ESRP1: variants seen among roughly 807,000 people sequenced by gnomAD.
The protein encoded by ESRP1 is epithelial splicing regulatory protein 1.
Under a neutral mutation model 81.7 loss-of-function variants are expected in ESRP1, and 33 were observed. The observed-to-expected ratio is 0.40, with a 90% CI of 0.31 to 0.54. ESRP1 has a LOEUF of 0.54. Among genes scored for constraint, ESRP1 ranks in the 20% least tolerant of loss-of-function variants. The pLI is 0.41. For missense variants in ESRP1, 672 were observed against 833.1 expected, an observed-to-expected ratio of 0.81 and a Z score of 2.38; for synonymous variants, 320 against 303.3, an observed-to-expected ratio of 1.06 and a Z score of -0.57.
chr8:94,695,450 G>A (rs992602253), intron 14 of ESRP1, among the ~76,000 whole-genome samples: 5 of 137,286 alleles, frequency 3.6e-5, no homozygotes, highest in Admixed American at 1.6e-4. Flanking sequence ...CACCTCCTGG[G>A]TTCAAGCAAT....
At chr8:94,662,468 C>T (rs956267907) in intron 5 of ESRP1, 33 bp from the exon 6 acceptor site, 12 of 1,582,012 alleles carry the variant, frequency 7.6e-6, no homozygotes, top group Non-Finnish European at 1.0e-5. Flanking sequence ...TCCCTAATCA[C>T]TAAAATGATG....
At chr8:94,692,597 C>T (rs1586253399) in intron 13 of ESRP1, 80 bp from the exon 14 acceptor site, 1 of 1,465,634 alleles carries the variant, frequency 6.8e-7, no homozygotes, top group African/African-American at 1.4e-5. Flanking sequence ...AATTCTGTTT[C>T]CTTAAGTAAC....
rs1402806690 is a variant in ESRP1 at position 94,705,997 on chromosome 8, G to A, written c.*108G>A. ...CTTCTAGCAAATTCAGGGGAAGTTT[G>A]TCTACACTCAGGCTGCAGTATTTTC... On this transcript the variant is annotated 3_prime_UTR_variant, in exon 16 of 16. Transcript: ENST00000433389. 1.0e-5 allele frequency: 15 copies of A among 1,480,924 alleles called. No individual in the cohort carries two copies. The highest frequency in any genetic ancestry group is 1.3e-5 in the South Asian group (1 of 77,618). The allele number at this position is 1,480,924 out of a possible 1,614,324, so 91.7% of individuals were successfully genotyped here. A position where few individuals can be genotyped will look rare whatever the true frequency, so the allele number is the denominator to read the frequency against.
intron 4 of ESRP1, 198 bp downstream of exon 4, chr8:94,646,480 C>T (rs1035745): frequency 0.96 from 428,674 of 447,874 alleles, 207,808 homozygotes; most frequent in East Asian, 1. Flanking sequence ...GATGGTTGGA[C>T]GGATTTGGAG....
chr8:94,690,292 TTTTTTTTTTTTTG>T (rs1259375761), intron 13 of ESRP1, among the ~76,000 whole-genome samples: 3 of 103,854 alleles, frequency 2.9e-5, no homozygotes, highest in Non-Finnish European at 6.3e-5. Flanking sequence ...TTTTTTTTTT[TTTTTTTTTTTTTG>T]GATTTTTAGT....
In ESRP1 at chr8:94,705,949, T is replaced by C; in HGVS notation, c.*60T>C. 6.6e-7 allele frequency: 1 copy of C among 1,525,304 alleles called. No individual in the cohort carries two copies. The highest frequency in any genetic ancestry group is 8.8e-7 in the Non-Finnish European group (1 of 1,138,554). 94.5% of individuals were successfully genotyped at this position (1,525,304 alleles called of 1,614,324 possible). The stretch of plus-strand genomic sequence containing the variant: ...GTGTTTGAAAGATGTATGGTGATCT[T>C]GAAACCTCCAGACACAAGAAAACTT... On this transcript the variant is annotated 3_prime_UTR_variant, in exon 16 of 16. Transcript: ENST00000433389.
chr8:94,655,582 A>G (rs1431652653), intron 4 of ESRP1, among the ~76,000 whole-genome samples: 12 of 151,974 alleles, frequency 7.9e-5, no homozygotes, highest in Non-Finnish European at 1.8e-4. Flanking sequence ...GGTTATATGT[A>G]GAACTTACAT....
rs749635201 is a variant in ESRP1 at position 94,671,440 on chromosome 8, G to C, written c.1234-13G>C. The C allele has an allele frequency of 6.2e-7, 1 of 1,605,926 alleles. No homozygotes were observed. The highest frequency in any genetic ancestry group is 8.5e-7 in the Non-Finnish European group (1 of 1,175,224). On this transcript the variant is annotated splice_polypyrimidine_tract_variant and intron_variant, in intron 10 of 15. Transcript: ENST00000433389. Reference sequence around the variant, plus strand: ...CACAGCTCTAAATTACTTCTGTTTTGCTTTGAGTACAGGTGCTGAATCGAT... The same window carrying C: ...CACAGCTCTAAATTACTTCTGTTTTCCTTTGAGTACAGGTGCTGAATCGAT...
At chr8:94,643,072 G>A (rs1234974754) in intron 2 of ESRP1, among the ~76,000 whole-genome samples, 1 of 152,238 alleles carries the variant, frequency 6.6e-6, no homozygotes, top group Non-Finnish European at 1.5e-5. Flanking sequence ...AAGGGAGAAT[G>A]CATTGACAAG....
chr8:94,678,155 G>T (rs745647664), intron 12 of ESRP1, 48 bp from the exon 13 acceptor site: 1 of 1,592,336 alleles, frequency 6.3e-7, no homozygotes, highest in Non-Finnish European at 8.6e-7. Flanking sequence ...GCACGTGCAT[G>T]TCAGCTGTTA....
chr8:94,687,475 G>A (rs1035177545), intron 13 of ESRP1, among the ~76,000 whole-genome samples: 6 of 152,224 alleles, frequency 3.9e-5, no homozygotes, highest in African/African-American at 1.4e-4. Flanking sequence ...GGATAATACA[G>A]TAACTATTTA....
chr8:94,672,787 C>T (rs1819393170), intron 11 of ESRP1, among the ~76,000 whole-genome samples: 1 of 152,244 alleles, frequency 6.6e-6, no homozygotes, highest in African/African-American at 2.4e-5. Flanking sequence ...CCCGCCTTGG[C>T]CTCCCAAAGT....
chr8:94,655,388 CTT>C (rs35393650), intron 4 of ESRP1, among the ~76,000 whole-genome samples: 2 of 139,310 alleles, frequency 1.4e-5, no homozygotes. Flanking sequence ...CACTTGGCAT[CTT>C]TTTTTTTTTT....
At chr8:94,704,093 T>C (rs1211595277) in intron 15 of ESRP1, among the ~76,000 whole-genome samples, 2 of 152,104 alleles carry the variant, frequency 1.3e-5, no homozygotes, top group Non-Finnish European at 2.9e-5. Context: ...ATACCTGATA[T>C]TAGATTTGTA....
At chr8:94,690,597 T>C (rs937548713) in intron 13 of ESRP1, among the ~76,000 whole-genome samples, 1 of 152,170 alleles carries the variant, frequency 6.6e-6, no homozygotes, top group African/African-American at 2.4e-5. Context: ...TCAGAATAGA[T>C]GGTACCTTAG....
intron 3 of ESRP1, among the ~76,000 whole-genome samples, chr8:94,644,031 G>C (rs1817733592): frequency 6.6e-6 from 1 of 152,122 alleles, no homozygotes; most frequent in South Asian, 2.1e-4. Context: ...AAACATTCTT[G>C]CATCAAAACA....
In ESRP1 at chr8:94,667,975, C is replaced by A; in HGVS notation, c.958C>A (p.Leu320Ile). The A allele has an allele frequency of 6.2e-7, 1 of 1,604,608 alleles. No homozygotes were observed. Among genetic ancestry groups the A allele is most frequent in the Non-Finnish European group, 8.5e-7 (1 of 1,174,550 alleles). Reference protein sequence around the residue: ...GGTSNEVAQFLSKENQVIVRM... With the variant: ...GGTSNEVAQFISKENQVIVRM... ...TACTTCCAATGAGGTAGCCCAGTTTCTCTCCAAGGAAAATCAAGTCATTGT... is the reference window on the plus strand; with the variant it reads ...TACTTCCAATGAGGTAGCCCAGTTTATCTCCAAGGAAAATCAAGTCATTGT... Residue 320 changes from leucine (L) to isoleucine (I), a missense_variant, in exon 10 of 16, where the codon CTC (leucine) becomes ATC (isoleucine). Coordinates refer to ENST00000433389, the MANE Select transcript of ESRP1 (RefSeq NM_017697.4).
intron 14 of ESRP1, among the ~76,000 whole-genome samples, chr8:94,693,686 A>G (rs1430748495): frequency 1.3e-5 from 2 of 152,198 alleles, no homozygotes; most frequent in African/African-American, 4.8e-5. Flanking sequence ...TCGGAATAAT[A>G]GTCACATTCT....
At chr8:94,701,690 T>C (rs74662668) in intron 15 of ESRP1, among the ~76,000 whole-genome samples, 3,068 of 152,160 alleles carry the variant, frequency 0.02, 95 homozygotes, top group African/African-American at 0.069. Flanking sequence ...AAGCTGTCTC[T>C]CTGCCACAGC....
Sources: gnomAD v4.1 joint callset for allele counts (sites outside exome capture counted in the v4.1 genomes callset) on GRCh38, gnomAD v4.1.1 for gene constraint, MANE v1.5 for transcripts, NCBI Gene and HGNC (gene_info 2026-07-23, HGNC 2026-07-21) for gene names.